The following ADGRG2 variants were observed in gnomAD, a reference collection of about 807,000 sequenced individuals.
ADGRG2 encodes the protein adhesion G protein-coupled receptor G2, also known as G protein-coupled receptor 64.
ADGRG2 carries 26 observed loss-of-function variants against 74.1 expected under a neutral mutation model. The ratio of observed to expected loss-of-function variants is 0.35; its 90% confidence interval spans 0.26 to 0.49. The LOEUF is 0.49. Among genes scored for constraint, ADGRG2 ranks in the 20% least tolerant of loss-of-function variants. ADGRG2 has a pLI of 0.99. For missense variants in ADGRG2, 619 were observed against 763.1 expected, an observed-to-expected ratio of 0.81 and a Z score of 2.22; for synonymous variants, 296 against 295.2, an observed-to-expected ratio of 1.00 and a Z score of -0.03.
At chrX:19,016,537 ATTAT>A (rs950103396) in intron 15 of ADGRG2, among the ~76,000 whole-genome samples, 4 of 108,866 alleles carry the variant, frequency 3.7e-5, no homozygotes, top group Admixed American at 2.0e-4. Flanking sequence ...TTTATTTTTT[ATTAT>A]TTATTTATTT....
At chrX:19,040,837 C>T (rs372518701) in intron 3 of ADGRG2, among the ~76,000 whole-genome samples, 7 of 110,675 alleles carry the variant, frequency 6.3e-5, no homozygotes, top group Admixed American at 9.7e-5. Flanking sequence ...ATTGGAGAAA[C>T]GAGAAATTAC....
chrX:18,999,423 C>T (rs1320994789), intron 25 of ADGRG2, 144 bp from the exon 26 acceptor site: 1 of 485,763 alleles, frequency 2.1e-6, no homozygotes, highest in South Asian at 4.1e-5. Context: ...CTGCTATTCT[C>T]TACAACCATT....
chrX:19,094,797 AG>A (rs1309928023), intron 1 of ADGRG2, among the ~76,000 whole-genome samples: 1 of 112,823 alleles, frequency 8.9e-6, no homozygotes, highest in Non-Finnish European at 1.9e-5. Flanking sequence ...GGTGTACGGT[AG>A]GGTGGAGGGA....
At chrX:19,045,911 G>T (rs1374741462) in intron 3 of ADGRG2, among the ~76,000 whole-genome samples, 1 of 111,716 alleles carries the variant, frequency 9.0e-6, no homozygotes, top group African/African-American at 3.3e-5. Flanking sequence ...TAGTGACAGG[G>T]TCTTGCTCTG....
intron 16 of ADGRG2, among the ~76,000 whole-genome samples, chrX:19,013,308 A>G (rs905782441): frequency 9.8e-5 from 11 of 112,032 alleles, no homozygotes; most frequent in Admixed American, 6.6e-4. Flanking sequence ...GAAACCTAGA[A>G]AATCTCCAAC....
chrX:19,068,913 C>T (rs1329754704), intron 2 of ADGRG2, 78 bp from the exon 3 acceptor site: 1 of 453,414 alleles, frequency 2.2e-6, no homozygotes, highest in Non-Finnish European at 3.7e-6. Context: ...GGTCATTCCT[C>T]AACCAAGGCA....
chrX:18,997,890 G>C (rs1197630814), intron 26 of ADGRG2, among the ~76,000 whole-genome samples: 1 of 112,625 alleles, frequency 8.9e-6, no homozygotes, highest in Non-Finnish European at 1.9e-5. Flanking sequence ...AGAATAAAAG[G>C]AAACTAAGGG....
rs771594425 is a variant in ADGRG2, at chrX:19,006,253, C to T, written c.1702G>A (p.Val568Met). ...CCCAAGTCCCAAAATACACATCTCA[C>T]TGTTAACTCATCCTGTGGTAGAAAG... ...HINPSQDELT[V>M]RCVFWDLGRN... Residue 568 changes from valine to methionine, a missense_variant, in exon 21 of 29, where the codon GTG becomes ATG. Val to Met is a conservative substitution (Grantham distance 21). Transcript: ENST00000379869. 2.3e-5 allele frequency: 26 copies of T among 1,155,208 alleles called. No individual in the cohort carries two copies. Among genetic ancestry groups the T allele is most frequent in the Non-Finnish European group, 2.9e-5 (25 of 847,928 alleles).
chrX:19,057,845 A>G (rs2061429713), intron 3 of ADGRG2, among the ~76,000 whole-genome samples: 1 of 111,842 alleles, frequency 8.9e-6, no homozygotes, highest in South Asian at 3.7e-4. Context: ...TCTCTAAAAA[A>G]TAAAAATAAA....
At chrX:18,995,534 T>TA (rs1159266338) in intron 27 of ADGRG2, among the ~76,000 whole-genome samples, 48 of 105,543 alleles carry the variant, frequency 4.5e-4, no homozygotes, top group East Asian at 2.0e-3. Flanking sequence ...CTCATTTTCT[T>TA]AAAAAAAAAA....
intron 28 of ADGRG2, 127 bp from the exon 29 acceptor site, chrX:18,991,175 A>G (rs1207377778): frequency 2.8e-6 from 1 of 357,569 alleles, no homozygotes; most frequent in Non-Finnish European, 4.7e-6. Context: ...AACATTTGTG[A>G]TATATGTTCA....
rs182105743 is a variant in ADGRG2 at position 19,108,020 on chromosome X, G to A, written c.-47+14422C>T. ...GAGGCTGAGGTAGGAGAATCGCTCCGGGAGGTGACACAAGGTTGCAGTGAG... is the reference window on the plus strand; with the variant it reads ...GAGGCTGAGGTAGGAGAATCGCTCCAGGAGGTGACACAAGGTTGCAGTGAG... On this transcript the variant is annotated intron_variant, in intron 1 of 28. Transcript: ENST00000379869. Among the ~76,000 whole-genome samples, 13 of 105,617 alleles carry A rather than the reference G, an allele frequency of 1.2e-4. No individual in the cohort carries two copies. In the Admixed American group the frequency reaches 1.3e-3, roughly 11 times the overall value. The allele number at this position is 105,617 out of a possible 115,157, so 91.7% of individuals were successfully genotyped here. A position where few individuals can be genotyped will look rare whatever the true frequency, so the allele number is the denominator to read the frequency against.
chrX:19,071,314 A>G (rs2061650077), intron 2 of ADGRG2, among the ~76,000 whole-genome samples: 1 of 111,875 alleles, frequency 8.9e-6, no homozygotes. Context: ...AAAGCCTCTA[A>G]TTTCTCCCTC....
chrX:18,993,776 A>C (rs1280294695), intron 28 of ADGRG2, among the ~76,000 whole-genome samples: 2 of 111,747 alleles, frequency 1.8e-5, no homozygotes, highest in African/African-American at 6.5e-5. Context: ...CCTTCTCACA[A>C]ATTTATTTGA....
chrX:19,023,306 A>G (rs1197514466), intron 13 of ADGRG2, 110 bp downstream of exon 13: 1 of 446,318 alleles, frequency 2.2e-6, no homozygotes, highest in Non-Finnish European at 3.8e-6. Flanking sequence ...ATTAATATGT[A>G]TTTATTTTAG....
chrX:18,992,733 AC>A (rs2059944733), intron 28 of ADGRG2, among the ~76,000 whole-genome samples: 1 of 112,356 alleles, frequency 8.9e-6, no homozygotes, highest in South Asian at 3.6e-4. Context: ...CTTAAAATGT[AC>A]CCCCATCCTC....
chrX:19,077,441 G>A (rs1417700434), intron 2 of ADGRG2, among the ~76,000 whole-genome samples: 1 of 104,535 alleles, frequency 9.6e-6, no homozygotes, highest in Non-Finnish European at 2.0e-5. Flanking sequence ...TAGAACCCAG[G>A]AGGCAGAGGT....
At chrX:19,076,360 G>A (rs765610321) in intron 2 of ADGRG2, among the ~76,000 whole-genome samples, 2 of 111,754 alleles carry the variant, frequency 1.8e-5, no homozygotes, top group Non-Finnish European at 3.8e-5. Context: ...GGAGAAGGGT[G>A]GAGCTAGAGA....
At position 19,027,339 on chromosome X, in the gene ADGRG2, G is replaced by A. The variant is rs753030378; in HGVS notation, c.415-65C>T. The A allele has an allele frequency of 1.7e-4, 117 of 699,069 alleles. No individual in the cohort carries two copies. In the African/African-American group the frequency reaches 2.3e-3, roughly 13 times the overall value. The allele number at this position is 699,069 out of a possible 1,213,427, so 57.6% of individuals were successfully genotyped here. ...TGTTTTGTTTTTTCACTCTCTAACA[G>A]TAAGTTGTTCTTCAGTTTTATCAGC... On this transcript the variant is annotated intron_variant, in intron 10 of 28. Transcript: ENST00000379869.
Sources: allele counts gnomAD v4.1 joint callset (sites outside exome capture counted in the v4.1 genomes callset), GRCh38; gene constraint gnomAD v4.1.1; transcripts MANE v1.5; gene names NCBI Gene and HGNC (gene_info 2026-07-23, HGNC 2026-07-21).